Variants in SVIL observed in about 807,000 individuals in gnomAD.
The protein encoded by SVIL is archvillin.
Under a neutral mutation model 240.4 loss-of-function variants are expected in SVIL, and 101 were observed. That is an observed-to-expected ratio of 0.42 (90% CI 0.36 to 0.50). SVIL has a LOEUF of 0.50. Ranked by LOEUF, SVIL falls within the 20% of genes least tolerant of loss-of-function variation. SVIL has a pLI of 0.01. For missense variants in SVIL, 2,512 were observed against 2,818.7 expected, an observed-to-expected ratio of 0.89 and a Z score of 2.46; for synonymous variants, 999 against 1,100.0, an observed-to-expected ratio of 0.91 and a Z score of 1.82.
Position 29,532,726 on chromosome 10 carries a change from A to G in SVIL, c.1641T>C (p.Ser547=). ...GAGGGGGGCCTGTGAAATCTGACAGAGAGCGGGTACGGACCTTGCGCTTTT... is the reference window on the plus strand; with the variant it reads ...GAGGGGGGCCTGTGAAATCTGACAGGGAGCGGGTACGGACCTTGCGCTTTT... ...ASKKRKVRTR[S]LSDFTGPPQL... is the part of the protein sequence containing the mutation. The change falls in exon 8 of 38, where the codon TCT becomes TCC. Residue 547 remains serine (S), a synonymous_variant. Coordinates refer to ENST00000355867, the MANE Select transcript of SVIL (RefSeq NM_021738.3). The G allele has an allele frequency of 6.2e-7, 1 of 1,614,156 alleles. No homozygotes were observed. The highest frequency in any genetic ancestry group is 8.5e-7 in the Non-Finnish European group (1 of 1,180,032).
chr10:29,486,340 G>A lies in SVIL; in HGVS notation c.4633+70C>T, dbSNP rs190289996. ...AAAATTTTATTTACAATGTAAAATA[G>A]AAGAATGAGCTAAGGGAGAAGAAAG... is the stretch of plus-strand genomic sequence containing the variant. On this transcript the variant is annotated intron_variant, in intron 25 of 37. Coordinates refer to ENST00000355867, the MANE Select transcript of SVIL (RefSeq NM_021738.3). The A allele has an allele frequency of 4.3e-3, 6,820 of 1,596,982 alleles. 17 individuals carry two copies. The highest frequency in any genetic ancestry group is 5.0e-3 in the Non-Finnish European group (5,813 of 1,171,600).
intron 6 of SVIL, among the ~76,000 whole-genome samples, chr10:29,544,208 G>A (rs767455131): frequency 6.6e-6 from 1 of 152,122 alleles, no homozygotes; most frequent in Non-Finnish European, 1.5e-5. Flanking sequence ...TTATATAACA[G>A]CTTCTAATTA....
chr10:29,535,485 A>G (rs1951679066), intron 7 of SVIL, among the ~76,000 whole-genome samples: 1 of 152,162 alleles, frequency 6.6e-6, no homozygotes, highest in South Asian at 2.1e-4. Flanking sequence ...TTAAAAATGA[A>G]ATGATAGGGG....
intron 1 of SVIL, among the ~76,000 whole-genome samples, chr10:29,719,139 C>T (rs755272607): frequency 3.3e-5 from 5 of 152,018 alleles, no homozygotes; most frequent in Admixed American, 6.6e-5. Flanking sequence ...TGGAAAAACT[C>T]ATAATTCACA....
At chr10:29,719,766 A>G (rs1160176854) in intron 1 of SVIL, among the ~76,000 whole-genome samples, 1 of 152,166 alleles carries the variant, frequency 6.6e-6, no homozygotes, top group Non-Finnish European at 1.5e-5. Flanking sequence ...AGAAATATCC[A>G]AAATGAAAAA....
At chr10:29,664,081 CA>C (rs1554889472) in intron 2 of SVIL, among the ~76,000 whole-genome samples, 1 of 152,162 alleles carries the variant, frequency 6.6e-6, no homozygotes, top group Non-Finnish European at 1.5e-5. Context: ...CATGACAGCA[CA>C]GGTTCTTAAA....
chr10:29,553,544 G>A (rs747458483), intron 5 of SVIL, among the ~76,000 whole-genome samples: 4 of 148,422 alleles, frequency 2.7e-5, no homozygotes, highest in Admixed American at 1.4e-4. Flanking sequence ...TCTTGCCATC[G>A]CACTCCAGCC....
chr10:29,562,769 G>GAAAAAAAAAAAA (rs34507610), intron 3 of SVIL, among the ~76,000 whole-genome samples: 11 of 115,712 alleles, frequency 9.5e-5, no homozygotes, highest in East Asian at 2.6e-4. Context: ...TCAAAAAAAA[G>GAAAAAAAAAAAA]AAAAAAAAAA....
chr10:29,702,555 A>G (rs1053833254), intron 1 of SVIL, among the ~76,000 whole-genome samples: 1 of 152,194 alleles, frequency 6.6e-6, no homozygotes, highest in African/African-American at 2.4e-5. Context: ...CACGTTCACG[A>G]GGTTTATCAG....
At chr10:29,672,696 C>G (rs1257694229) in intron 2 of SVIL, among the ~76,000 whole-genome samples, 1 of 152,122 alleles carries the variant, frequency 6.6e-6, no homozygotes, top group Non-Finnish European at 1.5e-5. Context: ...ATCTCCTCCT[C>G]TCTGCTGCAC....
intron 1 of SVIL, among the ~76,000 whole-genome samples, chr10:29,712,486 C>A (rs1963359727): frequency 6.6e-6 from 1 of 152,220 alleles, no homozygotes; most frequent in Non-Finnish European, 1.5e-5. Context: ...ATGCCAGCTC[C>A]TCTCTGCCTT....
chr10:29,562,782 A>G (rs368393795), intron 3 of SVIL, among the ~76,000 whole-genome samples: 52,713 of 138,640 alleles, frequency 0.38, 9,643 homozygotes, highest in East Asian at 0.4. Flanking sequence ...AAAAAAAAAA[A>G]AAAAAAAAAA....
intron 2 of SVIL, among the ~76,000 whole-genome samples, chr10:29,671,968 G>A (rs1475190405): frequency 1.3e-5 from 2 of 152,154 alleles, no homozygotes; most frequent in Non-Finnish European, 2.9e-5. Flanking sequence ...TCATTTCTCT[G>A]TGAGGTTCTA....
chr10:29,551,422 C>T (rs1239621622), intron 5 of SVIL, among the ~76,000 whole-genome samples, 159 bp from the exon 6 acceptor site: 1 of 152,230 alleles, frequency 6.6e-6, no homozygotes, highest in African/African-American at 2.4e-5. Flanking sequence ...GATTATTTAC[C>T]TGGGCTGTTG....
At chr10:29,561,723 G>C (rs1031178547) in intron 3 of SVIL, among the ~76,000 whole-genome samples, 11 of 152,234 alleles carry the variant, frequency 7.2e-5, no homozygotes, top group Admixed American at 4.6e-4. Flanking sequence ...CTCTGGGGGA[G>C]AGCCGATGCG....
At chr10:29,693,250 C>A (rs1311352068) in intron 1 of SVIL, among the ~76,000 whole-genome samples, 2 of 151,004 alleles carry the variant, frequency 1.3e-5, no homozygotes, top group Non-Finnish European at 2.9e-5. Context: ...GCAGGGTGGC[C>A]CGAATCCATA....
intron 17 of SVIL, among the ~76,000 whole-genome samples, chr10:29,501,647 G>A (rs1214365382): frequency 6.6e-6 from 1 of 152,146 alleles, no homozygotes; most frequent in Non-Finnish European, 1.5e-5. Context: ...TCGGCGAGAA[G>A]CCCCTAATTC....
chr10:29,521,504 T>C (rs1342617906), intron 16 of SVIL, among the ~76,000 whole-genome samples: 4 of 152,206 alleles, frequency 2.6e-5, no homozygotes, highest in African/African-American at 7.2e-5. Flanking sequence ...TCCTACTGAA[T>C]ACTTTCTCCT....
intron 12 of SVIL, among the ~76,000 whole-genome samples, chr10:29,529,185 A>G (rs979774820): frequency 2.4e-5 from 3 of 126,800 alleles, no homozygotes; most frequent in African/African-American, 7.7e-5. Flanking sequence ...CAAAAAAAAA[A>G]AAAAAAAAAA....
Sources: gnomAD v4.1 joint callset for allele counts (sites outside exome capture counted in the v4.1 genomes callset) on GRCh38, gnomAD v4.1.1 for gene constraint, MANE v1.5 for transcripts, NCBI Gene and HGNC (gene_info 2026-07-23, HGNC 2026-07-21) for gene names.